Variants in SLC35A5 observed in about 807,000 individuals in gnomAD.
SLC35A5 encodes the protein UDP-sugar transporter protein SLC35A5.
In SLC35A5, 28 loss-of-function variants were observed where a neutral mutation model predicts 36.3. The ratio of observed to expected loss-of-function variants is 0.77; its 90% CI spans 0.57 to 1.06. SLC35A5 has a LOEUF of 1.06. SLC35A5 is among the 50% of genes least tolerant of loss of function. The probability of loss-of-function intolerance (pLI) is 0.00; values close to 1 mark genes in which losing one functional copy is unlikely to be tolerated. For missense variants in SLC35A5, 521 were observed against 499.3 expected (o/e 1.04, Z -0.41); for synonymous variants, 180 against 173.7 (o/e 1.04, Z -0.29).
chr3:112,567,440 G>C (rs1045532140), intron 2 of SLC35A5, among the ~76,000 whole-genome samples: 2 of 151,982 alleles, frequency 1.3e-5, no homozygotes, highest in Non-Finnish European at 2.9e-5. Flanking sequence ...TTACAGGCAT[G>C]TGCCACCATG....
intron 2 of SLC35A5, among the ~76,000 whole-genome samples, chr3:112,567,570 G>A (rs1320788567): frequency 6.6e-6 from 1 of 152,218 alleles, no homozygotes; most frequent in Non-Finnish European, 1.5e-5. Flanking sequence ...CTCCCAAAGT[G>A]CTGGGATTAC....
chr3:112,574,824 A>G (rs1181932279), intron 5 of SLC35A5, among the ~76,000 whole-genome samples: 1 of 152,110 alleles, frequency 6.6e-6, no homozygotes, highest in Non-Finnish European at 1.5e-5. Context: ...TATAAATTAT[A>G]TAAGATTCCT....
intron 3 of SLC35A5, 97 bp from the exon 4 acceptor site, chr3:112,570,443 C>CG: frequency 1.5e-6 from 2 of 1,349,556 alleles, no homozygotes; most frequent in Non-Finnish European, 2.0e-6. Context: ...TTATAAAGCT[C>CG]CCTTTAAAGA....
At chr3:112,569,790 T>C (rs1342249906) in intron 3 of SLC35A5, among the ~76,000 whole-genome samples, 2 of 152,210 alleles carry the variant, frequency 1.3e-5, no homozygotes, top group Admixed American at 1.3e-4. Context: ...TGCTGTTTAA[T>C]ATACATTAAT....
chr3:112,580,499 T>TA (rs1258653179), intron 5 of SLC35A5, 47 bp from the exon 6 acceptor site: 3 of 1,525,054 alleles, frequency 2.0e-6, no homozygotes, highest in African/African-American at 2.8e-5. Context: ...AAACTATTGA[T>TA]ATGGGGGGAA....
Position 112,582,732 on chromosome 3 carries a change from T to C in SLC35A5, c.1271T>C (p.Phe424Ser). The C allele has an allele frequency of 6.2e-7, 1 of 1,611,432 alleles. No individual in the cohort carries two copies. Among genetic ancestry groups the C allele is most frequent in the South Asian group, 1.1e-5 (1 of 90,940 alleles). The change falls in exon 7 of 7, where the codon TTC (phenylalanine) becomes TCC (serine). Residue 424 changes from phenylalanine to serine, a missense_variant. By Grantham distance (155) the Phe-to-Ser change is radical. Coordinates refer to ENST00000492406, the MANE Select transcript of SLC35A5 (RefSeq NM_017945.5). ...AGTGATGAGTCAGATGAAGATACTT[T>C]CTAACTGGTACCCACATAGTTTGCA... ...PKSDESDEDT[F>S]
chr3:112,563,028 C>G (rs1221068902), intron 1 of SLC35A5, among the ~76,000 whole-genome samples: 1 of 152,164 alleles, frequency 6.6e-6, no homozygotes, highest in Non-Finnish European at 1.5e-5. Context: ...CCGTTGCACT[C>G]CAGCCTGGGT....
chr3:112,572,736 G>C (rs1934501651), intron 4 of SLC35A5, among the ~76,000 whole-genome samples: 1 of 152,200 alleles, frequency 6.6e-6, no homozygotes, highest in African/African-American at 2.4e-5. Flanking sequence ...TGGAATGTTT[G>C]GGCCAAAGAG....
At chr3:112,562,804 C>T (rs954543485) in intron 1 of SLC35A5, among the ~76,000 whole-genome samples, 1 of 152,102 alleles carries the variant, frequency 6.6e-6, no homozygotes, top group Non-Finnish European at 1.5e-5. Flanking sequence ...TGGCTCACGC[C>T]TGTAATCCCA....
chr3:112,582,786 CA>C lies in SLC35A5; in HGVS notation c.*51del. The stretch of plus-strand genomic sequence containing the variant: ...CTCTTGAACCTTATTTTCACATTTT[CA>C]GTGTTTGTAATATTTATCTTTTCAC... On this transcript the variant is annotated 3_prime_UTR_variant, in exon 7 of 7. Coordinates refer to ENST00000492406, the MANE Select transcript of SLC35A5 (RefSeq NM_017945.5). The C allele has an allele frequency of 2.1e-6, 3 of 1,399,040 alleles. No homozygotes were observed. The highest frequency in any genetic ancestry group is 3.0e-6 in the Non-Finnish European group (3 of 992,800). The allele number at this position is 1,399,040 out of a possible 1,614,324, so 86.7% of individuals were successfully genotyped here.
At chr3:112,564,267 G>T (rs1440389053) in intron 2 of SLC35A5, 2 of 152,206 alleles carry the variant, frequency 1.3e-5, no homozygotes, top group African/African-American at 4.8e-5. Context: ...TCATTATTGG[G>T]TGTTTCTCGG....
chr3:112,569,338 AT>A lies in SLC35A5; in HGVS notation c.229+73del. 3 of 1,158,512 alleles carry A rather than the reference AT, an allele frequency of 2.6e-6. No individual in the cohort carries two copies. In the South Asian group the frequency reaches 3.8e-5, roughly 15 times the overall value. 71.8% of individuals were successfully genotyped at this position (1,158,512 alleles called of 1,614,324 possible). Reference sequence around the variant, plus strand: ...AAAAAATGTTAGAACTGGAAGGAACATTTTGTATCATTTAGCTTAGTCCATT... The same window carrying A: ...AAAAAATGTTAGAACTGGAAGGAACATTTGTATCATTTAGCTTAGTCCATT... On this transcript the variant is annotated intron_variant, in intron 3 of 6. Coordinates refer to ENST00000492406, the MANE Select transcript of SLC35A5 (RefSeq NM_017945.5).
chr3:112,580,619 A>G lies in SLC35A5; in HGVS notation c.502A>G (p.Thr168Ala), dbSNP rs1408989577. The change falls in exon 6 of 7, where the codon ACT becomes GCT. Residue 168 changes from threonine (T) to alanine (A), a missense_variant. Transcript: ENST00000492406. ...GTCTATTGTGGCCTTGACTGCCGGG[A>G]CTAAAACTTTACAGCACAACTTGGC... ...FLSIVALTAG[T>A]KTLQHNLAGR... The G allele has an allele frequency of 1.9e-6, 3 of 1,614,024 alleles. No individual in the cohort carries two copies. The highest frequency in any genetic ancestry group is 4.5e-5 in the East Asian group (2 of 44,880).
At chr3:112,564,703 A>G (rs1296255330) in intron 2 of SLC35A5, among the ~76,000 whole-genome samples, 1 of 152,152 alleles carries the variant, frequency 6.6e-6, no homozygotes, top group African/African-American at 2.4e-5. Flanking sequence ...CATGGGGAGA[A>G]ACCTTGGACA....
Position 112,569,236 on chromosome 3 carries a change from T to C in SLC35A5, c.196T>C (p.Cys66Arg). 1 of 1,613,996 alleles carries C rather than the reference T, an allele frequency of 6.2e-7. No homozygotes were observed. ...CTCAGAACTGGTGAAGCTAGTTTTC[T>C]GTGTGCTTGTGTCATTCTGTGTTAT... ...VCSELVKLVF[C>R]VLVSFCVIKK... The change falls in exon 3 of 7, where the codon TGT becomes CGT. Residue 66 changes from cysteine to arginine, a missense_variant. Transcript: ENST00000492406.
chr3:112,571,539 T>C (rs2107428710), intron 4 of SLC35A5, among the ~76,000 whole-genome samples: 1 of 152,336 alleles, frequency 6.6e-6, no homozygotes, highest in African/African-American at 2.4e-5. Context: ...AGAACTGTAT[T>C]AGCCTGTTCT....
chr3:112,580,524 C>CT (rs750179998), intron 5 of SLC35A5, 22 bp from the exon 6 acceptor site: 7 of 1,565,132 alleles, frequency 4.5e-6, no homozygotes, highest in South Asian at 3.6e-5. Context: ...GTAGTAAAAT[C>CT]TTTTTTTTCA....
intron 5 of SLC35A5, among the ~76,000 whole-genome samples, chr3:112,576,244 C>T (rs1457242567): frequency 6.6e-6 from 1 of 152,016 alleles, no homozygotes; most frequent in Non-Finnish European, 1.5e-5. Context: ...TCCCCTGCCT[C>T]AGCCTCCCCA....
chr3:112,566,577 G>T (rs1472338264), intron 2 of SLC35A5, among the ~76,000 whole-genome samples: 1 of 152,206 alleles, frequency 6.6e-6, no homozygotes, highest in African/African-American at 2.4e-5. Context: ...GACATCATTA[G>T]CGAGATGGGA....
Sources: gnomAD v4.1 joint callset for allele counts (sites outside exome capture counted in the v4.1 genomes callset) on GRCh38, gnomAD v4.1.1 for gene constraint, MANE v1.5 for transcripts, NCBI Gene and HGNC (gene_info 2026-07-23, HGNC 2026-07-21) for gene names.